FRMD6: variants seen among roughly 807,000 people sequenced by gnomAD.
FRMD6 encodes the protein FERM domain containing 6, also known as FERM domain-containing protein 6.
In FRMD6, 37 loss-of-function variants were observed where a neutral mutation model predicts 73.2. That is an observed-to-expected ratio of 0.51 (90% CI 0.39 to 0.66). FRMD6 has a LOEUF of 0.66. Ranked by LOEUF, FRMD6 falls within the 30% of genes least tolerant of loss-of-function variation. FRMD6 has a pLI of 0.00. For synonymous variants in FRMD6, 273 were observed against 282.2 expected (o/e 0.97, Z 0.33); for missense variants, 714 against 780.5 (o/e 0.91, Z 1.02).
chr14:51,589,320 T>C (rs923510036), intron 2 of FRMD6, among the ~76,000 whole-genome samples: 3 of 145,154 alleles, frequency 2.1e-5, no homozygotes, highest in African/African-American at 7.7e-5. Flanking sequence ...CATCCACTAT[T>C]GTTTTGTTTT....
At chr14:51,607,571 G>A (rs1278471450) in intron 2 of FRMD6, among the ~76,000 whole-genome samples, 2 of 152,110 alleles carry the variant, frequency 1.3e-5, no homozygotes, top group African/African-American at 4.8e-5. Flanking sequence ...GTAAAGCCAA[G>A]GTCTCCCTCC....
chr14:51,605,634 GC>G (rs1286888792), intron 2 of FRMD6, among the ~76,000 whole-genome samples: 8 of 152,196 alleles, frequency 5.3e-5, no homozygotes, highest in African/African-American at 1.7e-4. Flanking sequence ...GAGGTGTCAT[GC>G]CCCCATCTGC....
chr14:51,567,313 C>G (rs1424752052), intron 1 of FRMD6, among the ~76,000 whole-genome samples: 3 of 152,196 alleles, frequency 2.0e-5, no homozygotes, highest in Non-Finnish European at 4.4e-5. Context: ...CAGTATGAGA[C>G]TTCTAGATGC....
At position 51,729,736 on chromosome 14, in the gene FRMD6, G is replaced by A. The variant is rs536805808; in HGVS notation, c.*1707G>A. ...GAGTCAGTATTATACAACAAATGGTGAGCTGGAACATGCCCTGTCTGTGCT... is the reference window on the plus strand; with the variant it reads ...GAGTCAGTATTATACAACAAATGGTAAGCTGGAACATGCCCTGTCTGTGCT... On this transcript the variant is annotated 3_prime_UTR_variant, in exon 14 of 14. Transcript: ENST00000344768. 10 of 152,768 alleles carry A rather than the reference G, an allele frequency of 6.5e-5. No individual in the cohort carries two copies. Among genetic ancestry groups the A allele is most frequent in the Non-Finnish European group, 1.5e-4 (10 of 68,036 alleles). The allele number at this position is 152,768 out of a possible 1,614,324, so 9.5% of individuals were successfully genotyped here.
chr14:51,501,756 G>T (rs982885900), intron 1 of FRMD6, among the ~76,000 whole-genome samples: 1 of 151,964 alleles, frequency 6.6e-6, no homozygotes, highest in African/African-American at 2.4e-5. Context: ...GGGATTGCTG[G>T]GTCAAATGGT....
chr14:51,558,490 C>A (rs8017155), intron 1 of FRMD6, among the ~76,000 whole-genome samples: 121,354 of 150,204 alleles, frequency 0.81, 49,019 homozygotes, highest in South Asian at 0.87. Flanking sequence ...AAACAAAAAA[C>A]AAAACTAAAT....
chr14:51,618,715 G>A (rs1890805843), intron 2 of FRMD6, among the ~76,000 whole-genome samples: 1 of 152,020 alleles, frequency 6.6e-6, no homozygotes, highest in Admixed American at 6.5e-5. Context: ...GCTAAAATGA[G>A]GAATCTATAG....
intron 12 of FRMD6, among the ~76,000 whole-genome samples, chr14:51,725,513 T>C (rs1284320197): frequency 6.6e-6 from 1 of 152,236 alleles, no homozygotes; most frequent in African/African-American, 2.4e-5. Context: ...CATAAATAGC[T>C]TAATTAGAAG....
At chr14:51,443,851 ACAT>A in the FRMD6 span, among the ~76,000 whole-genome samples, 1 of 152,142 alleles carries the variant, frequency 6.6e-6, no homozygotes, top group South Asian at 2.1e-4. Flanking sequence ...GAAATAACAA[ACAT>A]CATTCCTTTT....
At chr14:51,471,314 C>T in the FRMD6 span, among the ~76,000 whole-genome samples, 1 of 151,876 alleles carries the variant, frequency 6.6e-6, no homozygotes, top group South Asian at 2.1e-4. Flanking sequence ...ACAGTGAAAC[C>T]CTGTCTCTAC....
chr14:51,436,209 A>G, the FRMD6 span: 39 of 338,818 alleles, frequency 1.2e-4, no homozygotes, highest in Non-Finnish European at 2.0e-4. Flanking sequence ...AGACAGACTT[A>G]ATGAACAAGC....
At chr14:51,555,074 A>G (rs1399362397) in intron 1 of FRMD6, among the ~76,000 whole-genome samples, 1 of 152,170 alleles carries the variant, frequency 6.6e-6, no homozygotes, top group Non-Finnish European at 1.5e-5. Context: ...CCTTCCTCCA[A>G]TTCAAGATGT....
At chr14:51,406,381 G>A in the FRMD6 span, among the ~76,000 whole-genome samples, 1 of 151,950 alleles carries the variant, frequency 6.6e-6, no homozygotes, top group African/African-American at 2.4e-5. Flanking sequence ...GTAATGATAG[G>A]AATAGCATTG....
chr14:51,596,568 A>G (rs1566492804), intron 2 of FRMD6, among the ~76,000 whole-genome samples: 2 of 152,188 alleles, frequency 1.3e-5, no homozygotes, highest in South Asian at 2.1e-4. Flanking sequence ...AGTGTCATCA[A>G]TAATGACTTT....
chr14:51,438,893 A>G, the FRMD6 span, among the ~76,000 whole-genome samples: 1 of 152,208 alleles, frequency 6.6e-6, no homozygotes, highest in East Asian at 1.9e-4. Context: ...AATGTGGCCA[A>G]GAAGATGGGC....
At position 51,689,914 on chromosome 14, in the gene FRMD6, A is replaced by G. The variant is rs758040281; in HGVS notation, c.78A>G (p.Glu26=). 1.1e-5 allele frequency: 18 copies of G among 1,606,004 alleles called. No individual in the cohort carries two copies. In the South Asian group the frequency reaches 1.9e-4, roughly 17 times the overall value. ...RSVCIFLPND[E]SLNIIINVKI... is the part of the protein sequence containing the mutation. ...TGTGCATTTTCCTTCCCAACGATGAATCTCTGAACATCATCATAAATGTGA... is the reference window on the plus strand; with the variant it reads ...TGTGCATTTTCCTTCCCAACGATGAGTCTCTGAACATCATCATAAATGTGA... The change falls in exon 2 of 14, where the codon GAA becomes GAG. Residue 26 remains glutamate (E), a synonymous_variant. Coordinates refer to ENST00000344768, the MANE Select transcript of FRMD6 (RefSeq NM_001267046.2).
At chr14:51,698,058 A>G in intron 2 of FRMD6, 84 bp from the exon 3 acceptor site, 1 of 866,632 alleles carries the variant, frequency 1.2e-6, no homozygotes, top group Non-Finnish European at 1.9e-6. Context: ...GAATATATTT[A>G]CGATGCATTA....
At chr14:51,430,896 T>A in the FRMD6 span, among the ~76,000 whole-genome samples, 1 of 152,228 alleles carries the variant, frequency 6.6e-6, no homozygotes, top group African/African-American at 2.4e-5. Context: ...ATCTGTGGTG[T>A]GGCTCTGAAA....
At chr14:51,693,622 T>TG (rs11388648) in intron 2 of FRMD6, among the ~76,000 whole-genome samples, 150,797 of 152,330 alleles carry the variant, frequency 0.99, 74,663 homozygotes, top group Middle Eastern at 1. Flanking sequence ...GTGAAGTGCC[T>TG]GCATATGTGA....
Sources: allele counts gnomAD v4.1 joint callset (sites outside exome capture counted in the v4.1 genomes callset), GRCh38; gene constraint gnomAD v4.1.1; transcripts MANE v1.5; gene names NCBI Gene and HGNC (gene_info 2026-07-23, HGNC 2026-07-21).